The following CRYBB1 variants were observed in gnomAD, a reference collection of about 807,000 sequenced individuals.
CRYBB1 encodes crystallin beta B1.
In CRYBB1, 16 loss-of-function variants were observed where a neutral mutation model predicts 29.5. That is an observed-to-expected ratio of 0.54 (90% CI 0.37 to 0.82). CRYBB1 has a LOEUF of 0.82. CRYBB1 is among the 40% of genes least tolerant of loss of function. The pLI is 0.00. For missense variants in CRYBB1, 300 were observed against 350.5 expected, an observed-to-expected ratio of 0.86 and a Z score of 1.15; for synonymous variants, 127 against 136.7, an observed-to-expected ratio of 0.93 and a Z score of 0.49.
At chr22:26,613,043 C>T (rs1489826055) in intron 2 of CRYBB1, among the ~76,000 whole-genome samples, 3 of 152,192 alleles carry the variant, frequency 2.0e-5, no homozygotes, top group African/African-American at 7.2e-5. Context: ...AGGACTCCTC[C>T]AGGGCAGGGC....
intron 4 of CRYBB1, among the ~76,000 whole-genome samples, chr22:26,607,596 A>G (rs1223382709): frequency 1.3e-5 from 2 of 151,156 alleles, no homozygotes; most frequent in Non-Finnish European, 2.9e-5. Flanking sequence ...AGTAAGGTCT[A>G]AATGTGCAGC....
At chr22:26,615,964 GAGA>G (rs1253342412) in intron 2 of CRYBB1, among the ~76,000 whole-genome samples, 173 bp downstream of exon 2, 1 of 152,132 alleles carries the variant, frequency 6.6e-6, no homozygotes, top group African/African-American at 2.4e-5. Context: ...TGGGGAGGTG[GAGA>G]AGAAGAAAAG....
chr22:26,599,769 G>T, intron 5 of CRYBB1, 96 bp from the exon 6 acceptor site: 1 of 919,442 alleles, frequency 1.1e-6, no homozygotes. Context: ...ATTGATCCCT[G>T]CAGTCGGCTG....
chr22:26,603,853 G>A (rs1025098599), intron 4 of CRYBB1, among the ~76,000 whole-genome samples: 5 of 152,072 alleles, frequency 3.3e-5, no homozygotes, highest in African/African-American at 1.2e-4. Flanking sequence ...GAACCTGGGA[G>A]GCAGAGGTTG....
At position 26,605,872 on chromosome 22, in the gene CRYBB1, G is replaced by A. The variant is rs562294571; in HGVS notation, c.432+2017C>T. Among the ~76,000 whole-genome samples, 5 of 152,158 alleles carry A rather than the reference G, an allele frequency of 3.3e-5. 1 individual carries two copies. In the South Asian group the frequency reaches 1.0e-3, roughly 32 times the overall value. ...CCAGGTCAGAGATGATGGTGGCCTGGACCAGGACTGTGGCAGGGCAGAGAG... is the reference window on the plus strand; with the variant it reads ...CCAGGTCAGAGATGATGGTGGCCTGAACCAGGACTGTGGCAGGGCAGAGAG... On this transcript the variant is annotated intron_variant, in intron 4 of 5. Transcript: ENST00000647684.
In CRYBB1 at chr22:26,607,970, C is replaced by T; in HGVS notation, c.351G>A (p.Glu117=). 3 of 1,614,224 alleles carry T rather than the reference C, an allele frequency of 1.9e-6. No individual in the cohort carries two copies. Among genetic ancestry groups the T allele is most frequent in the Non-Finnish European group, 2.5e-6 (3 of 1,180,046 alleles). ...SNFRGEMFIL[E]KGEYPRWNTW... ...TGTTCCAGCGAGGGTACTCGCCCTT[C>T]TCCAGGATGAACATCTCCCCGCGGA... The change falls in exon 4 of 6, where the codon GAG becomes GAA. Residue 117 remains glutamate (E), a synonymous_variant. Coordinates refer to ENST00000647684, the MANE Select transcript of CRYBB1 (RefSeq NM_001887.4).
At chr22:26,611,129 A>G (rs892072618) in intron 3 of CRYBB1, among the ~76,000 whole-genome samples, 5 of 152,194 alleles carry the variant, frequency 3.3e-5, no homozygotes, top group African/African-American at 1.2e-4. Flanking sequence ...GCAGTGAAGC[A>G]TGGTGATTAA....
chr22:26,612,423 C>T (rs909038378), intron 2 of CRYBB1, among the ~76,000 whole-genome samples: 2 of 152,128 alleles, frequency 1.3e-5, no homozygotes, highest in Non-Finnish European at 1.5e-5. Flanking sequence ...AGTTCAGTGG[C>T]GCAATCATGG....
At chr22:26,614,962 G>C (rs1929296791) in intron 2 of CRYBB1, among the ~76,000 whole-genome samples, 2 of 152,168 alleles carry the variant, frequency 1.3e-5, no homozygotes, top group Admixed American at 1.3e-4. Flanking sequence ...AGTATTTCCT[G>C]GAGTTGGGGA....
chr22:26,605,943 C>T (rs920842541), intron 4 of CRYBB1, among the ~76,000 whole-genome samples: 6 of 152,148 alleles, frequency 3.9e-5, no homozygotes, highest in African/African-American at 1.4e-4. Context: ...CTGCAGGCCA[C>T]ATGTGGCTCA....
intron 4 of CRYBB1, among the ~76,000 whole-genome samples, chr22:26,602,507 C>T (rs1928851763): frequency 6.6e-6 from 1 of 151,612 alleles, no homozygotes; most frequent in Admixed American, 6.6e-5. Context: ...AGGAGGATTG[C>T]TTGAGCCCAG....
At chr22:26,615,854 G>A (rs570820280) in intron 2 of CRYBB1, among the ~76,000 whole-genome samples, 1 of 152,250 alleles carries the variant, frequency 6.6e-6, no homozygotes, top group East Asian at 1.9e-4. Context: ...GCTATTTTAT[G>A]GGCTCCCAGA....
chr22:26,610,339 T>C (rs1929117664), intron 3 of CRYBB1, among the ~76,000 whole-genome samples: 1 of 152,128 alleles, frequency 6.6e-6, no homozygotes, highest in Non-Finnish European at 1.5e-5. Context: ...CTCACCCTCT[T>C]CATTCTTTTT....
intron 4 of CRYBB1, among the ~76,000 whole-genome samples, chr22:26,603,878 T>G (rs981563719): frequency 6.6e-6 from 1 of 150,958 alleles, no homozygotes; most frequent in Non-Finnish European, 1.5e-5. Context: ...GAGCCAAGAT[T>G]GTGTCACTGC....
chr22:26,616,433 G>A (rs887276073), intron 1 of CRYBB1, 95 bp from the exon 2 acceptor site: 5 of 821,444 alleles, frequency 6.1e-6, no homozygotes, highest in Non-Finnish European at 1.0e-5. Context: ...CTTGGAGCTC[G>A]TTTCCTCTCT....
At chr22:26,611,460 T>G (rs5761632) in intron 3 of CRYBB1, among the ~76,000 whole-genome samples, 125,301 of 146,688 alleles carry the variant, frequency 0.85, 53,143 homozygotes, top group East Asian at 0.9. Flanking sequence ...GTTTGTTTTT[T>G]TTTTTTTTGT....
chr22:26,607,803 T>G, intron 4 of CRYBB1, 86 bp downstream of exon 4: 1 of 1,592,638 alleles, frequency 6.3e-7, no homozygotes, highest in Non-Finnish European at 8.6e-7. Flanking sequence ...CACCATCATC[T>G]CCTTCTTGCC....
intron 2 of CRYBB1, among the ~76,000 whole-genome samples, chr22:26,615,655 A>G (rs1929323210): frequency 6.6e-6 from 1 of 151,902 alleles, no homozygotes; most frequent in African/African-American, 2.4e-5. Context: ...CTGGGATTAC[A>G]GGCGCCCACC....
intron 2 of CRYBB1, among the ~76,000 whole-genome samples, chr22:26,613,965 T>C (rs1929261751): frequency 1.3e-5 from 2 of 152,328 alleles, no homozygotes; most frequent in East Asian, 1.9e-4. Flanking sequence ...TCGTCTCTTA[T>C]GGTCGACGCT....
Sources: allele counts gnomAD v4.1 joint callset (sites outside exome capture counted in the v4.1 genomes callset), GRCh38; gene constraint gnomAD v4.1.1; transcripts MANE v1.5; gene names NCBI Gene and HGNC (gene_info 2026-07-23, HGNC 2026-07-21).